The following LOXL2 variants were observed in gnomAD, a reference collection of about 807,000 sequenced individuals.
LOXL2 encodes the protein lysyl oxidase like 2.
Under a neutral mutation model 93.0 loss-of-function variants are expected in LOXL2, and 70 were observed. That is an observed-to-expected ratio of 0.75 (90% CI 0.62 to 0.92). LOXL2 has a LOEUF of 0.92. Ranked by LOEUF, LOXL2 falls within the 40% of genes least tolerant of loss-of-function variation. The pLI is 0.00. For synonymous variants in LOXL2, 438 were observed against 413.2 expected (o/e 1.06, Z -0.73); for missense variants, 973 against 1,054.9 (o/e 0.92, Z 1.08).
chr8:23,372,851 G>A (rs1168482438), intron 1 of LOXL2, among the ~76,000 whole-genome samples: 2 of 152,234 alleles, frequency 1.3e-5, no homozygotes, highest in African/African-American at 4.8e-5. Flanking sequence ...GAAAAATCCT[G>A]GGGTTGAAGA....
At chr8:23,402,453 C>G (rs1253023330) in intron 1 of LOXL2, among the ~76,000 whole-genome samples, 1 of 152,178 alleles carries the variant, frequency 6.6e-6, no homozygotes, top group Non-Finnish European at 1.5e-5. Flanking sequence ...TACTAGGGAC[C>G]AGGAAGAGGA....
chr8:23,347,194 C>T (rs1213478140), intron 3 of LOXL2, among the ~76,000 whole-genome samples: 2 of 128,980 alleles, frequency 1.6e-5, no homozygotes, highest in Non-Finnish European at 3.2e-5. Flanking sequence ...CACACACACA[C>T]ACACACACAC....
At chr8:23,352,062 C>T (rs1360566636) in intron 3 of LOXL2, among the ~76,000 whole-genome samples, 1 of 151,926 alleles carries the variant, frequency 6.6e-6, no homozygotes, top group African/African-American at 2.4e-5. Flanking sequence ...ATCCCCCCCA[C>T]CTTGGCCTCC....
rs11991998 is a variant in LOXL2, at chr8:23,328,354, G to A, written c.1150+28C>T. On this transcript the variant is annotated intron_variant, in intron 6 of 13. Transcript: ENST00000389131. The stretch of plus-strand genomic sequence containing the variant: ...ACGGCACCATGCTCCCAGGAAGAGA[G>A]GCCCCCTCTAGCCTCCCCATTCCTT... 2,957 of 1,608,990 alleles carry A rather than the reference G, an allele frequency of 1.8e-3. 57 individuals carry two copies. The African/African-American group carries it at 0.036, about 20-fold the overall frequency.
At chr8:23,355,164 C>T (rs1029125267) in intron 3 of LOXL2, among the ~76,000 whole-genome samples, 4 of 151,582 alleles carry the variant, frequency 2.6e-5, no homozygotes, top group Non-Finnish European at 5.9e-5. Flanking sequence ...AGGCTGGTCT[C>T]AAACTCCTGA....
At chr8:23,333,781 G>T in intron 4 of LOXL2, 158 bp from the exon 5 acceptor site, 1 of 635,240 alleles carries the variant, frequency 1.6e-6, no homozygotes. Flanking sequence ...AGCATTCACT[G>T]AGCACCTGCT....
intron 1 of LOXL2, chr8:23,371,034 T>C (rs1396757210): frequency 6.6e-6 from 1 of 152,100 alleles, no homozygotes; most frequent in African/African-American, 2.4e-5. Flanking sequence ...GAAGACAAGA[T>C]AGAAAGAAAA....
At chr8:23,337,999 T>G (rs1417391695) in intron 4 of LOXL2, among the ~76,000 whole-genome samples, 1 of 151,998 alleles carries the variant, frequency 6.6e-6, no homozygotes, top group Non-Finnish European at 1.5e-5. Flanking sequence ...AGGAAAGAGG[T>G]TCAATAAGCT....
At chr8:23,396,019 G>A (rs749285692) in intron 1 of LOXL2, among the ~76,000 whole-genome samples, 5 of 152,004 alleles carry the variant, frequency 3.3e-5, no homozygotes, top group South Asian at 2.1e-4. Context: ...CTGATAAATC[G>A]TTCTACTTAA....
intron 1 of LOXL2, among the ~76,000 whole-genome samples, chr8:23,388,944 G>C (rs372857080): frequency 6.6e-6 from 1 of 152,142 alleles, no homozygotes; most frequent in African/African-American, 2.4e-5. Flanking sequence ...TCAAGGTTCT[G>C]AGTTGGTCAT....
intron 1 of LOXL2, chr8:23,371,260 C>G (rs542669968): frequency 3.9e-5 from 6 of 152,150 alleles, no homozygotes; most frequent in Non-Finnish European, 8.8e-5. Context: ...GCGAGTCTGT[C>G]ACCAGAATAC....
At chr8:23,330,841 G>C (rs535224119) in intron 5 of LOXL2, among the ~76,000 whole-genome samples, 1 of 152,046 alleles carries the variant, frequency 6.6e-6, no homozygotes, top group South Asian at 2.1e-4. Context: ...TGTCGGAGGA[G>C]AGGGACATGG....
chr8:23,349,624 C>T (rs1804057826), intron 3 of LOXL2, among the ~76,000 whole-genome samples: 1 of 151,868 alleles, frequency 6.6e-6, no homozygotes, highest in African/African-American at 2.4e-5. Context: ...ATTCTGGTGA[C>T]TCATTGAGTT....
At chr8:23,377,382 A>G (rs954987458) in intron 1 of LOXL2, among the ~76,000 whole-genome samples, 1 of 151,992 alleles carries the variant, frequency 6.6e-6, no homozygotes, top group African/African-American at 2.4e-5. Flanking sequence ...TTTTGGAATA[A>G]GTGCGATGTG....
intron 4 of LOXL2, among the ~76,000 whole-genome samples, chr8:23,338,392 G>C (rs2117178131): frequency 6.6e-6 from 1 of 151,310 alleles, no homozygotes; most frequent in East Asian, 2.0e-4. Context: ...TTCACAGAGG[G>C]AGCCAGTCCA....
At chr8:23,395,158 G>A (rs1040641077) in intron 1 of LOXL2, among the ~76,000 whole-genome samples, 3 of 152,094 alleles carry the variant, frequency 2.0e-5, no homozygotes, top group African/African-American at 7.2e-5. Flanking sequence ...GGAGGATGAG[G>A]CAGGAGAATC....
In LOXL2 at chr8:23,393,708, T is replaced by TA. The variant is rs899885473; in HGVS notation, c.-84+10245dup. Among the ~76,000 whole-genome samples, 8 of 151,866 alleles carry TA rather than the reference T, an allele frequency of 5.3e-5. 1 individual carries two copies. The highest frequency in any genetic ancestry group is 1.2e-4 in the African/African-American group (5 of 41,326). On this transcript the variant is annotated intron_variant, in intron 1 of 13. Coordinates refer to ENST00000389131, the MANE Select transcript of LOXL2 (RefSeq NM_002318.3). ...ATACGTAAATTAAACTTTATCAAAA[T>TA]AAAAAAACTTCTGCACATCAAAAAA...
chr8:23,351,366 G>A (rs1276846588), intron 3 of LOXL2, among the ~76,000 whole-genome samples: 1 of 152,156 alleles, frequency 6.6e-6, no homozygotes, highest in Non-Finnish European at 1.5e-5. Flanking sequence ...GGCAGGGAGA[G>A]GCTTCCTCCA....
intron 1 of LOXL2, among the ~76,000 whole-genome samples, chr8:23,381,903 C>T (rs1804685913): frequency 6.6e-6 from 1 of 152,226 alleles, no homozygotes; most frequent in African/African-American, 2.4e-5. Context: ...AAGCCTAACA[C>T]AGTGCCTGGT....
Sources: gnomAD v4.1 joint callset for allele counts (sites outside exome capture counted in the v4.1 genomes callset) on GRCh38, gnomAD v4.1.1 for gene constraint, MANE v1.5 for transcripts, NCBI Gene and HGNC (gene_info 2026-07-23, HGNC 2026-07-21) for gene names.